Variants in DPY19L1 observed in about 807,000 individuals in gnomAD.
DPY19L1 encodes protein C-mannosyl-transferase DPY19L1.
Under a neutral mutation model 96.9 loss-of-function variants are expected in DPY19L1, and 35 were observed. That is an observed-to-expected ratio of 0.36 (90% confidence interval 0.28 to 0.48). The LOEUF is 0.48. Among genes scored for constraint, DPY19L1 ranks in the 20% least tolerant of loss-of-function variants. DPY19L1 has a pLI of 0.99. For synonymous variants in DPY19L1, 205 were observed against 252.6 expected (o/e 0.81, Z 1.79); for missense variants, 521 against 777.9 (o/e 0.67, Z 3.93).
In DPY19L1 at chr7:34,955,871, G is replaced by T. The variant is rs183142147; in HGVS notation, c.1180-504C>A. Among the ~76,000 whole-genome samples, 5 of 152,260 alleles carry T rather than the reference G, an allele frequency of 3.3e-5. No individual in the cohort carries two copies. The East Asian group carries it at 9.7e-4, about 29-fold the overall frequency. ...CAAACATGGCAAAAATATGATTAGAGATCAAAACATAAATACTTCAAACCA... is the reference window on the plus strand; with the variant it reads ...CAAACATGGCAAAAATATGATTAGATATCAAAACATAAATACTTCAAACCA... On this transcript the variant is annotated intron_variant, in intron 11 of 21. Transcript: ENST00000638088.
chr7:35,019,286 G>T (rs1028574425), intron 1 of DPY19L1, among the ~76,000 whole-genome samples: 2 of 152,092 alleles, frequency 1.3e-5, no homozygotes, highest in African/African-American at 4.8e-5. Context: ...TCCTAGAAAG[G>T]AAACCCAGGC....
chr7:34,976,038 C>T (rs763854352), intron 7 of DPY19L1, among the ~76,000 whole-genome samples: 1 of 152,150 alleles, frequency 6.6e-6, no homozygotes, highest in Non-Finnish European at 1.5e-5. Context: ...TTCTGCAGCC[C>T]ATGAAGCAAG....
rs567171514 is a variant in DPY19L1 at position 34,941,510 on chromosome 7, CA to C, written c.1689+254del. ...TGTACAATTAAGCTCTGCTTTCTAT[CA>C]GCACCTGCAGTAATCACTCATGAAC... On this transcript the variant is annotated intron_variant, in intron 18 of 21. Coordinates refer to ENST00000638088, the MANE Select transcript of DPY19L1 (RefSeq NM_001366673.1). 9.6e-4 allele frequency among the ~76,000 whole-genome samples: 146 copies of C among 152,336 alleles called. 1 individual carries two copies. The highest frequency in any genetic ancestry group is 3.4e-3 in the African/African-American group (140 of 41,580).
At chr7:34,992,299 T>C (rs1425793882) in intron 6 of DPY19L1, among the ~76,000 whole-genome samples, 1 of 152,220 alleles carries the variant, frequency 6.6e-6, no homozygotes, top group East Asian at 1.9e-4. Flanking sequence ...TCTATTTTTC[T>C]ATTTGACTGT....
At chr7:35,037,819 T>C (rs2128686169), upstream of DPY19L1, 3 of 1,227,182 alleles carry the variant, frequency 2.4e-6, no homozygotes, top group South Asian at 8.2e-5. Context: ...TACCCACACC[T>C]CTTCGGCGCC....
chr7:34,992,211 T>C (rs1264376564), intron 6 of DPY19L1, among the ~76,000 whole-genome samples: 1 of 152,208 alleles, frequency 6.6e-6, no homozygotes, highest in Non-Finnish European at 1.5e-5. Context: ...CACTGCCTAC[T>C]TGTATGCAGT....
At chr7:34,995,052 C>T (rs569052868) in intron 6 of DPY19L1, among the ~76,000 whole-genome samples, 1 of 152,180 alleles carries the variant, frequency 6.6e-6, no homozygotes. Context: ...TTTTTCTATA[C>T]ACTTTTGGGA....
chr7:34,939,048 T>C (rs1272358405), intron 20 of DPY19L1: 10 of 410,054 alleles, frequency 2.4e-5, no homozygotes, highest in Middle Eastern at 1.2e-3. Flanking sequence ...TTCGTTTATA[T>C]GCCTGGTAGA....
chr7:35,021,197 C>A (rs889247643), intron 1 of DPY19L1, among the ~76,000 whole-genome samples: 10 of 152,168 alleles, frequency 6.6e-5, no homozygotes, highest in African/African-American at 2.4e-4. Flanking sequence ...CCAAAGGGGG[C>A]ATTCTTGATT....
chr7:34,973,417 G>A, intron 8 of DPY19L1, 97 bp downstream of exon 8: 2 of 648,332 alleles, frequency 3.1e-6, no homozygotes. Flanking sequence ...CATCATATTG[G>A]TTAATTATTT....
chr7:35,032,253 T>G (rs1245531001), intron 1 of DPY19L1, among the ~76,000 whole-genome samples: 1 of 152,158 alleles, frequency 6.6e-6, no homozygotes, highest in African/African-American at 2.4e-5. Flanking sequence ...AGCATACTAG[T>G]TAAGAGCATG....
chr7:35,029,656 T>A (rs1435459821), intron 1 of DPY19L1, among the ~76,000 whole-genome samples: 1 of 152,094 alleles, frequency 6.6e-6, no homozygotes, highest in African/African-American at 2.4e-5. Flanking sequence ...CACAAAAAAA[T>A]TCAATTAAAT....
intron 3 of DPY19L1, among the ~76,000 whole-genome samples, chr7:35,015,407 G>A (rs367619376): frequency 1.6e-4 from 24 of 152,286 alleles, no homozygotes; most frequent in East Asian, 1.4e-3. Context: ...CACAGGATGC[G>A]GTGAAGAAGC....
upstream of DPY19L1, chr7:35,038,021 G>T (rs1786492747): frequency 2.6e-6 from 2 of 775,038 alleles, no homozygotes; most frequent in South Asian, 6.7e-5. Flanking sequence ...GGGAGAAGGC[G>T]CCCGGAGCGG....
intron 1 of DPY19L1, among the ~76,000 whole-genome samples, chr7:35,033,370 C>A (rs117592832): frequency 0.019 from 2,851 of 152,250 alleles, 37 homozygotes; most frequent in Non-Finnish European, 0.03. Flanking sequence ...TACCATCCCC[C>A]CTTCCAGAAT....
At chr7:35,027,401 TGGTA>T (rs2128682620) in intron 1 of DPY19L1, among the ~76,000 whole-genome samples, 1 of 152,220 alleles carries the variant, frequency 6.6e-6, no homozygotes, top group Admixed American at 6.5e-5. Flanking sequence ...TACAAAGCCT[TGGTA>T]GGTTTGGCAG....
intron 10 of DPY19L1, among the ~76,000 whole-genome samples, chr7:34,958,581 G>A (rs1289216641): frequency 1.3e-5 from 2 of 152,116 alleles, no homozygotes; most frequent in South Asian, 4.1e-4. Context: ...TACCTTATGT[G>A]CATGTCAGTA....
intron 6 of DPY19L1, among the ~76,000 whole-genome samples, chr7:34,996,486 A>G (rs1348754564): frequency 6.6e-6 from 1 of 152,074 alleles, no homozygotes. Context: ...TCCTCTGAAC[A>G]AATGCTTCCC....
intron 16 of DPY19L1, among the ~76,000 whole-genome samples, chr7:34,944,810 G>C (rs1292011539): frequency 6.6e-6 from 1 of 152,168 alleles, no homozygotes; most frequent in Non-Finnish European, 1.5e-5. Flanking sequence ...GGTGGAACCT[G>C]CAGGGCTAAA....
Sources: gnomAD v4.1 joint callset for allele counts (sites outside exome capture counted in the v4.1 genomes callset) on GRCh38, gnomAD v4.1.1 for gene constraint, MANE v1.5 for transcripts, NCBI Gene and HGNC (gene_info 2026-07-23, HGNC 2026-07-21) for gene names.